The following RAD54L2 variants were observed in gnomAD, a reference collection of about 807,000 sequenced individuals.
RAD54L2 encodes the protein helicase ARIP4.
RAD54L2 carries 27 observed loss-of-function variants against 138.4 expected under a neutral mutation model. That is an observed-to-expected ratio of 0.20 (90% CI 0.14 to 0.27). RAD54L2 has a LOEUF of 0.27. Ranked by LOEUF, RAD54L2 falls within the 10% of genes least tolerant of loss-of-function variation. The pLI is 1.00. For missense variants in RAD54L2, 1,396 were observed against 1,890.2 expected, an observed-to-expected ratio of 0.74 and a Z score of 4.85; for synonymous variants, 644 against 723.2, an observed-to-expected ratio of 0.89 and a Z score of 1.76.
chr3:51,590,498 G>C lies in RAD54L2; in HGVS notation c.78G>C (p.Glu26Asp). The C allele has an allele frequency of 6.4e-7, 1 of 1,552,438 alleles. No individual in the cohort carries two copies. The highest frequency in any genetic ancestry group is 1.2e-5 in the South Asian group (1 of 84,046). Reference sequence around the variant, plus strand: ...AGCTGGAGGATGCGGAAGAGGAGGAGGAGGAGGAGGAGGTGGCAGTGGAGG... The same window carrying C: ...AGCTGGAGGATGCGGAAGAGGAGGACGAGGAGGAGGAGGTGGCAGTGGAGG... ...DVELEDAEEE[E>D]EEEEVAVEEC... Residue 26 changes from glutamate (E) to aspartate (D), a missense_variant, in exon 3 of 23, where the codon GAG becomes GAC. Glu to Asp is a conservative substitution (Grantham distance 45). Transcript: ENST00000684192.
At chr3:51,555,306 A>G (rs913633469) in intron 2 of RAD54L2, among the ~76,000 whole-genome samples, 4 of 151,592 alleles carry the variant, frequency 2.6e-5, no homozygotes, top group South Asian at 2.1e-4. Context: ...ATGATGTTAT[A>G]TGTTTCCCTA....
intron 2 of RAD54L2, among the ~76,000 whole-genome samples, chr3:51,543,608 C>CAAAA (rs1169502388): frequency 3.3e-5 from 2 of 60,500 alleles, no homozygotes; most frequent in Admixed American, 2.0e-4. Context: ...AACTCCATCT[C>CAAAA]AAAAAAAAAA....
intron 2 of RAD54L2, among the ~76,000 whole-genome samples, chr3:51,582,854 T>C (rs1270128223): frequency 6.6e-6 from 1 of 151,316 alleles, no homozygotes; most frequent in Middle Eastern, 3.2e-3. Flanking sequence ...CAAGCTCTGC[T>C]TCCCGGGTTC....
intron 3 of RAD54L2, among the ~76,000 whole-genome samples, chr3:51,624,225 G>A (rs1472985616): frequency 1.3e-5 from 2 of 148,434 alleles, no homozygotes; most frequent in Non-Finnish European, 3.0e-5. Context: ...TCTTTCTGGT[G>A]TGTGTGGTTT....
At chr3:51,599,092 A>G (rs560541276) in intron 3 of RAD54L2, among the ~76,000 whole-genome samples, 1 of 152,272 alleles carries the variant, frequency 6.6e-6, no homozygotes, top group Non-Finnish European at 1.5e-5. Context: ...CCAGGTAGAT[A>G]GTGTTAGAAT....
chr3:51,628,678 C>A (rs778929767), intron 4 of RAD54L2, among the ~76,000 whole-genome samples: 3 of 152,190 alleles, frequency 2.0e-5, no homozygotes, highest in Non-Finnish European at 1.5e-5. Context: ...GCATGAGCCA[C>A]TGTGCCCGGC....
chr3:51,662,187 T>G lies in RAD54L2; in HGVS notation c.3410-239T>G, dbSNP rs1701794952. Reference sequence around the variant, plus strand: ...TCGTAGGATTCATTTTGGTATAGTTTTACAGTTTGGGGAACTGGGGTGCAG... The same window carrying G: ...TCGTAGGATTCATTTTGGTATAGTTGTACAGTTTGGGGAACTGGGGTGCAG... On this transcript the variant is annotated intron_variant, in intron 22 of 22. Transcript: ENST00000684192. The surrounding 1 kb of genome is among the most constrained non-coding windows in gnomAD (Gnocchi z 4.6). Among the ~76,000 whole-genome samples the G allele has an allele frequency of 6.6e-6, 1 of 152,200 alleles. No homozygotes were observed. Among genetic ancestry groups the G allele is most frequent in the South Asian group, 2.1e-4 (1 of 4,832 alleles).
At position 51,663,187 on chromosome 3, in the gene RAD54L2, C is replaced by A. The variant is rs557480135; in HGVS notation, c.4171C>A (p.Leu1391Met). 6 of 1,614,016 alleles carry A rather than the reference C, an allele frequency of 3.7e-6. No individual in the cohort carries two copies. The Admixed American group carries it at 5.0e-5, about 13-fold the overall frequency. The stretch of plus-strand genomic sequence containing the variant: ...TTCACTCCCATTCTCACAGCCACTC[C>A]TGTCCGAGCCGAGGATGTTTGCGCC... ...SYSLPFSQPL[L>M]SEPRMFAPFP... The change falls in exon 23 of 23, where the codon CTG (leucine) becomes ATG (methionine). Residue 1391 changes from leucine to methionine, a missense_variant. Physicochemically the swap from Leu to Met is conservative, Grantham distance 15. Transcript: ENST00000684192.
At chr3:51,558,640 C>T (rs1233812844) in intron 2 of RAD54L2, among the ~76,000 whole-genome samples, 2 of 151,978 alleles carry the variant, frequency 1.3e-5, no homozygotes, top group African/African-American at 2.4e-5. Context: ...CTGGCTAATT[C>T]TTTAATTATT....
intron 2 of RAD54L2, among the ~76,000 whole-genome samples, chr3:51,583,399 ACT>A (rs149976314): frequency 3.3e-5 from 5 of 151,784 alleles, no homozygotes; most frequent in South Asian, 2.1e-4. Flanking sequence ...CTATGCCAAA[ACT>A]CTGATAAGTG....
chr3:51,582,212 A>T (rs1699622276), intron 2 of RAD54L2, among the ~76,000 whole-genome samples: 1 of 152,120 alleles, frequency 6.6e-6, no homozygotes, highest in Non-Finnish European at 1.5e-5. Context: ...CTGGCCAGTA[A>T]TCACCAGCTT....
intron 2 of RAD54L2, among the ~76,000 whole-genome samples, chr3:51,554,717 C>T (rs895955071): frequency 6.6e-6 from 1 of 152,162 alleles, no homozygotes; most frequent in Non-Finnish European, 1.5e-5. Context: ...AAGAGATTAC[C>T]TGAGAGTCTA....
chr3:51,567,101 T>G (rs1474220428), intron 2 of RAD54L2, among the ~76,000 whole-genome samples: 1 of 152,196 alleles, frequency 6.6e-6, no homozygotes. Flanking sequence ...TCTTATCTTT[T>G]TATTTGTTCC....
At position 51,663,025 on chromosome 3, in the gene RAD54L2, C is replaced by T. The variant is rs369359460; in HGVS notation, c.4009C>T (p.Arg1337Cys). Reference protein sequence around the residue: ...YQLSNLLADARLVFPVTTDPL... With the variant: ...YQLSNLLADACLVFPVTTDPL... ...GCTGTCCAATTTGCTGGCAGATGCC[C>T]GCCTGGTGTTTCCAGTGACTACTGA... The change falls in exon 23 of 23, where the codon CGC becomes TGC. Residue 1337 changes from arginine to cysteine, a missense_variant. By Grantham distance (180) the Arg-to-Cys change is radical. Around this residue, in one of 7 missense-constraint regions of RAD54L2, gnomAD observed 634 missense variants for 711.2 expected, o/e 0.89. Transcript: ENST00000684192. 6.2e-6 allele frequency: 10 copies of T among 1,613,866 alleles called. No homozygotes were observed. Among genetic ancestry groups the T allele is most frequent in the Admixed American group, 1.7e-5 (1 of 60,014 alleles).
chr3:51,598,924 A>G (rs1004723185), intron 3 of RAD54L2, among the ~76,000 whole-genome samples: 2 of 152,152 alleles, frequency 1.3e-5, no homozygotes, highest in Admixed American at 1.3e-4. Context: ...ATAAACCAGT[A>G]AACATTTCTC....
At position 51,646,365 on chromosome 3, in the gene RAD54L2, A is replaced by G. The variant is rs755963717; in HGVS notation, c.2910A>G (p.Lys970=). ...LTKAEKKAAK[K]SYEEDKRTSV... ...AGGCTGAGAAAAAAGCAGCAAAGAA[A>G]AGCTATGAGGAAGACAAACGCACAT... The change falls in exon 19 of 23, where the codon AAA becomes AAG. Residue 970 remains lysine (K), a synonymous_variant. Transcript: ENST00000684192. 2 of 1,613,230 alleles carry G rather than the reference A, an allele frequency of 1.2e-6. No homozygotes were observed. Among genetic ancestry groups the G allele is most frequent in the Non-Finnish European group, 1.7e-6 (2 of 1,179,638 alleles).
intron 19 of RAD54L2, among the ~76,000 whole-genome samples, chr3:51,649,051 C>G (rs1701360169): frequency 6.6e-6 from 1 of 151,962 alleles, no homozygotes; most frequent in African/African-American, 2.4e-5. Context: ...AGCTAAAAAC[C>G]TTGAAAAAAG....
intron 2 of RAD54L2, among the ~76,000 whole-genome samples, chr3:51,578,112 T>C (rs893500925): frequency 6.6e-6 from 1 of 151,914 alleles, no homozygotes; most frequent in Non-Finnish European, 1.5e-5. Context: ...CCCTAGGCCC[T>C]TGTAGCTATT....
chr3:51,663,662 G>A lies in RAD54L2; in HGVS notation c.*242G>A, dbSNP rs1332869261. ...AGCGGGAAATCAGGGACCCAAAACA[G>A]GGATGGAGGGGCAGTGCAGCCTCTT... is the stretch of plus-strand genomic sequence containing the variant. On this transcript the variant is annotated 3_prime_UTR_variant, in exon 23 of 23. Transcript: ENST00000684192. 1 of 494,322 alleles carries A rather than the reference G, an allele frequency of 2.0e-6. No homozygotes were observed. The highest frequency in any genetic ancestry group is 3.6e-6 in the Non-Finnish European group (1 of 281,254). 30.6% of individuals were successfully genotyped at this position (494,322 alleles called of 1,614,324 possible).
Sources: gnomAD v4.1 joint callset for allele counts (sites outside exome capture counted in the v4.1 genomes callset) on GRCh38, gnomAD v4.1.1 for gene constraint, gnomAD v4.1.1 regional missense constraint, Gnocchi (gnomAD v3.1) non-coding constraint, MANE v1.5 for transcripts, NCBI Gene and HGNC (gene_info 2026-07-23, HGNC 2026-07-21) for gene names.